Variants in PCDHA9 observed in about 807,000 individuals in gnomAD.
PCDHA9 encodes protocadherin alpha 9, also known as protocadherin alpha-9.
In PCDHA9, 62 loss-of-function variants were observed where a neutral mutation model predicts 62.0. The ratio of observed to expected loss-of-function variants is 1.00; its 90% CI spans 0.81 to 1.23. PCDHA9 has a LOEUF of 1.23. PCDHA9 is among the 50% of genes most tolerant of loss of function. The pLI, the probability that PCDHA9 is intolerant of heterozygous loss-of-function variation, is 0.00. For synonymous variants in PCDHA9, 557 were observed against 567.6 expected, an observed-to-expected ratio of 0.98 and a Z score of 0.27; for missense variants, 1,205 against 1,249.8, an observed-to-expected ratio of 0.96 and a Z score of 0.54.
chr5:140,932,704 A>G (rs1365268266), intron 1 of PCDHA9, among the ~76,000 whole-genome samples: 1 of 151,932 alleles, frequency 6.6e-6, no homozygotes, highest in Non-Finnish European at 1.5e-5. Context: ...ACTCATATAG[A>G]CAACACAATA....
intron 1 of PCDHA9, chr5:140,869,029 A>AT (rs1364344296): frequency 2.6e-6 from 4 of 1,526,350 alleles, no homozygotes; most frequent in Non-Finnish European, 3.5e-6. Flanking sequence ...ATTCAACGAG[A>AT]TTTTTAACCT....
chr5:140,937,595 C>A (rs940943581), intron 1 of PCDHA9, among the ~76,000 whole-genome samples: 1 of 150,652 alleles, frequency 6.6e-6, no homozygotes, highest in South Asian at 2.1e-4. Flanking sequence ...CTAGCCTGGG[C>A]AACAGAGTGA....
intron 1 of PCDHA9, chr5:140,967,123 C>A (rs1554229191): frequency 4.3e-6 from 7 of 1,612,606 alleles, no homozygotes; most frequent in African/African-American, 2.7e-5. Context: ...GCTGCCTGCT[C>A]AGCTTGGAAG....
intron 1 of PCDHA9, chr5:140,928,283 T>C (rs782493603): frequency 4.3e-6 from 7 of 1,614,178 alleles, no homozygotes; most frequent in Non-Finnish European, 5.1e-6. Flanking sequence ...GGGGCCTCTC[T>C]AGGCCGAGTG....
intron 1 of PCDHA9, chr5:140,875,895 T>C (rs2153332421): frequency 1.2e-6 from 2 of 1,614,196 alleles, no homozygotes; most frequent in Non-Finnish European, 1.7e-6. Flanking sequence ...AAAAGGTACC[T>C]GTTTCTGAAT....
chr5:140,921,498 A>G (rs2080245132), intron 1 of PCDHA9, among the ~76,000 whole-genome samples: 1 of 152,230 alleles, frequency 6.6e-6, no homozygotes, highest in African/African-American at 2.4e-5. Context: ...TTAGTTTATT[A>G]GATAGTGCCT....
At chr5:140,881,325 A>G in intron 1 of PCDHA9, 4 of 984,454 alleles carry the variant, frequency 4.1e-6, no homozygotes, top group Non-Finnish European at 4.8e-6. Flanking sequence ...ATTCTATTTA[A>G]CCAGGACGCC....
At chr5:140,999,280 T>C (rs782502393) in intron 3 of PCDHA9, among the ~76,000 whole-genome samples, 2 of 152,228 alleles carry the variant, frequency 1.3e-5, no homozygotes, top group Non-Finnish European at 2.9e-5. Context: ...ATAGTAGTAA[T>C]ACCCATTCTT....
In PCDHA9 at chr5:140,850,708, C is replaced by T. The variant is rs1554144815; in HGVS notation, c.2213C>T (p.Thr738Met). ...TEGECAPGKP[T>M]LVCSSAVGSW... ...GGCGAGTGCGCGCCTGGCAAGCCGA[C>T]GCTGGTGTGTTCTAGCGCGGTGGGG... The change falls in exon 1 of 4, where the codon ACG becomes ATG. Residue 738 changes from threonine (T) to methionine (M), a missense_variant. Around this residue, in one of 3 missense-constraint regions of PCDHA9, gnomAD observed 887 missense variants for 809.5 expected, o/e 1.10. Coordinates refer to ENST00000532602, the MANE Select transcript of PCDHA9 (RefSeq NM_031857.2). 5.0e-6 allele frequency: 8 copies of T among 1,597,900 alleles called. No homozygotes were observed. Among genetic ancestry groups the T allele is most frequent in the Admixed American group, 3.4e-5 (2 of 59,220 alleles).
chr5:140,901,815 A>T (rs1339282567), intron 1 of PCDHA9, among the ~76,000 whole-genome samples: 1 of 152,122 alleles, frequency 6.6e-6, no homozygotes, highest in African/African-American at 2.4e-5. Context: ...TACAATATTG[A>T]TTCTTCCAGT....
At chr5:140,989,531 G>C (rs782610172) in intron 3 of PCDHA9, among the ~76,000 whole-genome samples, 1 of 152,198 alleles carries the variant, frequency 6.6e-6, no homozygotes, top group Non-Finnish European at 1.5e-5. Flanking sequence ...AGAGGAGGAA[G>C]ATAGTTTGTA....
At chr5:140,926,620 C>G in intron 1 of PCDHA9, 1 of 385,534 alleles carries the variant, frequency 2.6e-6, no homozygotes, top group Admixed American at 4.4e-5. Context: ...CACCCCTAGG[C>G]GGCGCTGCGC....
At chr5:140,940,508 G>A (rs1171264265) in intron 1 of PCDHA9, among the ~76,000 whole-genome samples, 2 of 151,902 alleles carry the variant, frequency 1.3e-5, no homozygotes, top group African/African-American at 4.8e-5. Context: ...CGTCGCTCAG[G>A]CGTGATCATA....
chr5:140,916,143 T>C (rs1237563249), intron 1 of PCDHA9, among the ~76,000 whole-genome samples: 3 of 152,012 alleles, frequency 2.0e-5, no homozygotes, highest in African/African-American at 7.2e-5. Flanking sequence ...GCTGTTCAGT[T>C]GTGTTGTGGT....
intron 1 of PCDHA9, chr5:140,858,710 T>C (rs2150436389): frequency 5.6e-6 from 3 of 537,418 alleles, no homozygotes; most frequent in South Asian, 5.1e-5. Flanking sequence ...ATATGTGATA[T>C]AGGTTGCAGT....
intron 1 of PCDHA9, chr5:140,928,053 G>C: frequency 6.2e-7 from 1 of 1,614,212 alleles, no homozygotes; most frequent in Non-Finnish European, 8.5e-7. Context: ...CTTTTCAGCT[G>C]ACGGCTTCCT....
At chr5:140,870,755 A>G in intron 1 of PCDHA9, 3 of 1,613,522 alleles carry the variant, frequency 1.9e-6, no homozygotes, top group Non-Finnish European at 2.5e-6. Flanking sequence ...GTGACGCTGC[A>G]GGTGTTCGTG....
At chr5:140,892,283 C>T (rs1554185144) in intron 1 of PCDHA9, among the ~76,000 whole-genome samples, 1 of 152,172 alleles carries the variant, frequency 6.6e-6, no homozygotes, top group African/African-American at 2.4e-5. Context: ...GTATTAAACA[C>T]TTCTTCCTGG....
At chr5:140,877,091 C>G (rs782722834) in intron 1 of PCDHA9, 2 of 1,613,252 alleles carry the variant, frequency 1.2e-6, no homozygotes, top group African/African-American at 1.3e-5. Flanking sequence ...GCGCGCGACG[C>G]CGGCGTGCCG....
Sources: gnomAD v4.1 joint callset for allele counts (sites outside exome capture counted in the v4.1 genomes callset) on GRCh38, gnomAD v4.1.1 for gene constraint, gnomAD v4.1.1 regional missense constraint, MANE v1.5 for transcripts, NCBI Gene and HGNC (gene_info 2026-07-23, HGNC 2026-07-21) for gene names.